Variants in TRA2B observed in about 807,000 individuals in gnomAD.
The protein encoded by TRA2B is transformer-2 protein homolog beta.
Under a neutral mutation model 41.7 loss-of-function variants are expected in TRA2B, and 14 were observed. That is an observed-to-expected ratio of 0.34 (90% confidence interval 0.22 to 0.53). The LOEUF (loss-of-function observed/expected upper bound fraction) is 0.53. TRA2B is among the 20% of genes least tolerant of loss of function. The pLI is 0.95. For missense variants in TRA2B, 167 were observed against 396.8 expected, an observed-to-expected ratio of 0.42 and a Z score of 4.92; for synonymous variants, 130 against 128.8, an observed-to-expected ratio of 1.01 and a Z score of -0.06.
chr3:185,930,896 C>A (rs893214781), intron 1 of TRA2B, among the ~76,000 whole-genome samples: 2 of 152,214 alleles, frequency 1.3e-5, no homozygotes, highest in Non-Finnish European at 2.9e-5. Flanking sequence ...GTGTGACCCA[C>A]CTCTTCTAAG....
intron 2 of TRA2B, among the ~76,000 whole-genome samples, chr3:185,926,303 T>C (rs914749600): frequency 6.6e-6 from 1 of 151,752 alleles, no homozygotes; most frequent in African/African-American, 2.4e-5. Flanking sequence ...TACTTACATT[T>C]AGTAAATCCT....
At position 185,935,247 on chromosome 3, in the gene TRA2B, C is replaced by A. The variant is rs202039400; in HGVS notation, c.36+2578G>T. On this transcript the variant is annotated intron_variant, in intron 1 of 8. Transcript: ENST00000453386. ...AGAGTCTTGAATCCGGAGATGAAAA[C>A]GAGATCTTACTTTTGAAAGTGGTTT... 4 of 985,354 alleles carry A rather than the reference C, an allele frequency of 4.1e-6. No individual in the cohort carries two copies. The East Asian group carries it at 4.5e-4, about 112-fold the overall frequency. 61.0% of individuals were successfully genotyped at this position (985,354 alleles called of 1,614,324 possible). A position where few individuals can be genotyped will look rare whatever the true frequency, so the allele number is the denominator to read the frequency against.
intron 1 of TRA2B, chr3:185,928,695 T>C (rs1007184416): frequency 6.6e-6 from 1 of 152,168 alleles, no homozygotes; most frequent in Non-Finnish European, 1.5e-5. Context: ...AAAGATTACC[T>C]CTATGGAAAT....
chr3:185,936,536 T>C, intron 1 of TRA2B: 3 of 985,476 alleles, frequency 3.0e-6, no homozygotes, highest in Non-Finnish European at 3.6e-6. Flanking sequence ...ACTGAAAATT[T>C]CTTCCTAAAA....
At chr3:185,936,655 G>C (rs1744366849) in intron 1 of TRA2B, 1 of 983,556 alleles carries the variant, frequency 1.0e-6, no homozygotes, top group Non-Finnish European at 1.2e-6. Flanking sequence ...TACCAACAAG[G>C]GGAAACTTAG....
chr3:185,921,784 C>G (rs186552546), intron 5 of TRA2B, among the ~76,000 whole-genome samples: 1 of 151,950 alleles, frequency 6.6e-6, no homozygotes, highest in East Asian at 1.9e-4. Context: ...AAAAACAAAA[C>G]CAAACAACAA....
chr3:185,920,231 A>T (rs532457246), intron 6 of TRA2B, among the ~76,000 whole-genome samples: 2,334 of 152,338 alleles, frequency 0.015, 65 homozygotes, highest in African/African-American at 0.05. Context: ...CCCTCAGTGT[A>T]CGATGCATGC....
rs938609048 is a variant in TRA2B at position 185,915,947 on chromosome 3, C to T, written c.*1768G>A. On this transcript the variant is annotated 3_prime_UTR_variant, in exon 9 of 9. Transcript: ENST00000453386. Reference sequence around the variant, plus strand: ...TTAATGTATCCATCCATAACACAACCCCCTCTGGGACCACACCCTAAAACT... The same window carrying T: ...TTAATGTATCCATCCATAACACAACTCCCTCTGGGACCACACCCTAAAACT... 1.2e-4 allele frequency: 19 copies of T among 152,212 alleles called. No homozygotes were observed. The highest frequency in any genetic ancestry group is 4.6e-4 in the African/African-American group (19 of 41,528). 9.4% of individuals were successfully genotyped at this position (152,212 alleles called of 1,614,324 possible). A position where few individuals can be genotyped will look rare whatever the true frequency, so the allele number is the denominator to read the frequency against.
intron 1 of TRA2B, among the ~76,000 whole-genome samples, chr3:185,931,282 G>A (rs139632766): frequency 1.2e-4 from 19 of 152,260 alleles, no homozygotes; most frequent in Non-Finnish European, 2.6e-4. Context: ...GGAGGTATTC[G>A]CTCATGCCCC....
intron 6 of TRA2B, 57 bp from the exon 7 acceptor site, chr3:185,919,553 A>G (rs1743634971): frequency 6.9e-7 from 1 of 1,440,082 alleles, no homozygotes; most frequent in Non-Finnish European, 9.6e-7. Flanking sequence ...TTAAAAAATT[A>G]TGTCATTCAT....
At chr3:185,929,184 T>A (rs1286197235) in intron 1 of TRA2B, 110 of 152,234 alleles carry the variant, frequency 7.2e-4, no homozygotes, top group Non-Finnish European at 1.6e-4. Context: ...CAGGGATATT[T>A]TCTTAAAGAA....
At chr3:185,931,479 G>A in intron 1 of TRA2B, 1 of 878,152 alleles carries the variant, frequency 1.1e-6, no homozygotes, top group Non-Finnish European at 1.4e-6. Context: ...TCCCCTGGAA[G>A]GCACTTCTTT....
At chr3:185,936,842 G>A (rs545349913) in intron 1 of TRA2B, 1 of 985,274 alleles carries the variant, frequency 1.0e-6, no homozygotes, top group South Asian at 4.7e-5. Context: ...CCACAGACCA[G>A]CTACGTATGC....
chr3:185,920,993 C>T (rs1743711659), intron 6 of TRA2B, 111 bp downstream of exon 6: 10 of 786,986 alleles, frequency 1.3e-5, no homozygotes, highest in South Asian at 2.2e-5. Flanking sequence ...CTGCATTTCT[C>T]GAGTAAAAGT....
chr3:185,934,829 TAA>T (rs1456441022), intron 1 of TRA2B: 1 of 985,342 alleles, frequency 1.0e-6, no homozygotes, highest in East Asian at 1.1e-4. Flanking sequence ...TCTCTAATGA[TAA>T]AGATTACGTG....
intron 6 of TRA2B, 135 bp from the exon 7 acceptor site, chr3:185,919,631 CTTTT>C: frequency 1.5e-6 from 1 of 681,696 alleles, no homozygotes; most frequent in Non-Finnish European, 2.4e-6. Context: ...ATTTGCCACC[CTTTT>C]TAGAAACTGG....
At chr3:185,936,367 T>C (rs1321374604) in intron 1 of TRA2B, 7 of 985,096 alleles carry the variant, frequency 7.1e-6, no homozygotes, top group Non-Finnish European at 8.4e-6. Context: ...TAAAAAAAAA[T>C]CTAAAACACT....
At chr3:185,920,254 CAAGA>C (rs1743667115) in intron 6 of TRA2B, among the ~76,000 whole-genome samples, 2 of 152,312 alleles carry the variant, frequency 1.3e-5, no homozygotes, top group South Asian at 4.1e-4. Context: ...TAAGAGATTA[CAAGA>C]AACTGCCTGA....
At chr3:185,933,168 TAC>T (rs1744213907) in intron 1 of TRA2B, among the ~76,000 whole-genome samples, 1 of 152,164 alleles carries the variant, frequency 6.6e-6, no homozygotes. Flanking sequence ...AAAACTTCGA[TAC>T]AGACAGGGCA....
Sources: allele counts gnomAD v4.1 joint callset (sites outside exome capture counted in the v4.1 genomes callset), GRCh38; gene constraint gnomAD v4.1.1; transcripts MANE v1.5; gene names NCBI Gene and HGNC (gene_info 2026-07-23, HGNC 2026-07-21).